The following FKBP15 variants were observed in gnomAD, a reference collection of about 807,000 sequenced individuals.
FKBP15 encodes the protein FKBP prolyl isomerase family member 15.
A neutral mutation model predicts 158.1 loss-of-function variants in FKBP15; 106 were observed. The observed-to-expected ratio is 0.67, with a 90% CI of 0.57 to 0.79. The LOEUF (loss-of-function observed/expected upper bound fraction) is 0.79, where lower values mean the gene tolerates loss of function less well. Ranked by LOEUF, FKBP15 falls within the 30% of genes least tolerant of loss-of-function variation. The pLI is 0.00. For synonymous variants in FKBP15, 547 were observed against 548.6 expected, an observed-to-expected ratio of 1.00 and a Z score of 0.04; for missense variants, 1,287 against 1,479.1, an observed-to-expected ratio of 0.87 and a Z score of 2.13.
intron 9 of FKBP15, 95 bp from the exon 10 acceptor site, chr9:113,194,264 T>C: frequency 9.9e-7 from 1 of 1,014,994 alleles, no homozygotes; most frequent in Non-Finnish European, 1.4e-6. Flanking sequence ...TGGGGACTGT[T>C]GTCGGGTGGG....
Position 113,205,093 on chromosome 9 carries a change from G to A in FKBP15, c.324+1416C>T, listed in dbSNP as rs147513798. ...AATCATAAAACTCTTAGAAGAAAAC[G>A]TAGAGGTGAATCGTCATGACCTTGG... On this transcript the variant is annotated intron_variant, in intron 4 of 27. Transcript: ENST00000238256. Among the ~76,000 whole-genome samples, 28 of 152,276 alleles carry A rather than the reference G, an allele frequency of 1.8e-4. No individual in the cohort carries two copies. The East Asian group carries it at 4.0e-3, about 22-fold the overall frequency.
chr9:113,200,219 A>G (rs899852424), intron 6 of FKBP15, among the ~76,000 whole-genome samples: 1 of 152,234 alleles, frequency 6.6e-6, no homozygotes, highest in Non-Finnish European at 1.5e-5. Flanking sequence ...AATAATCTCT[A>G]TGTACCCAAG....
At position 113,162,153 on chromosome 9, in the gene FKBP15, T is replaced by TA; in HGVS notation, c.*3924_*3925insT. ...TCAGGCAACCATTTAGGGTCCCTGT[T>TA]CTGCCCTCTGTCCAGCCCCAGCCTC... On this transcript the variant is annotated 3_prime_UTR_variant, in exon 28 of 28. Transcript: ENST00000238256. The TA allele has an allele frequency of 3.1e-6, 1 of 326,822 alleles. No individual in the cohort carries two copies. Among genetic ancestry groups the TA allele is most frequent in the Non-Finnish European group, 5.8e-6 (1 of 171,742 alleles). 20.2% of individuals were successfully genotyped at this position (326,822 alleles called of 1,614,324 possible).
chr9:113,198,474 C>T lies in FKBP15; in HGVS notation c.717+381G>A, dbSNP rs1189916051. Among the ~76,000 whole-genome samples the T allele has an allele frequency of 1.3e-5, 2 of 152,200 alleles. No individual in the cohort carries two copies. The highest frequency in any genetic ancestry group is 2.9e-5 in the Non-Finnish European group (2 of 68,034). Reference sequence around the variant, plus strand: ...TAACCTGATTAGAAATTCCACAGGCCGGACATGGTGGTTCATGCCTGTAAT... The same window carrying T: ...TAACCTGATTAGAAATTCCACAGGCTGGACATGGTGGTTCATGCCTGTAAT... On this transcript the variant is annotated intron_variant, in intron 8 of 27. Transcript: ENST00000238256. The surrounding 1 kb of genome is among the most constrained non-coding windows in gnomAD (Gnocchi z 5.2).
At chr9:113,203,071 G>C (rs758569826) in intron 4 of FKBP15, 36 bp from the exon 5 acceptor site, 1 of 1,259,050 alleles carries the variant, frequency 7.9e-7, no homozygotes. Flanking sequence ...AAAAAAAAAA[G>C]AGAGACAGCA....
chr9:113,206,996 G>A, intron 3 of FKBP15: 1 of 512,628 alleles, frequency 2.0e-6, no homozygotes, highest in South Asian at 2.7e-5. Flanking sequence ...CAGCTGTTGA[G>A]GGTACAAGCA....
chr9:113,202,667 GTAT>G, intron 5 of FKBP15, 38 bp from the exon 6 acceptor site: 3 of 1,471,288 alleles, frequency 2.0e-6, no homozygotes, highest in Non-Finnish European at 2.8e-6. Flanking sequence ...TCCACAAGCA[GTAT>G]TATACCAGAT....
At chr9:113,176,717 G>A in intron 20 of FKBP15, 44 bp from the exon 21 acceptor site, 1 of 1,593,674 alleles carries the variant, frequency 6.3e-7, no homozygotes, top group Non-Finnish European at 8.6e-7. Context: ...AACCAAAGCT[G>A]TAATGGGCTA....
In FKBP15 at chr9:113,162,932, G is replaced by A. The variant is rs754942353; in HGVS notation, c.*3146C>T. 6.9e-6 allele frequency: 11 copies of A among 1,587,626 alleles called. No homozygotes were observed. Among genetic ancestry groups the A allele is most frequent in the East Asian group, 2.3e-5 (1 of 43,162 alleles). On this transcript the variant is annotated 3_prime_UTR_variant, in exon 28 of 28. Coordinates refer to ENST00000238256, the MANE Select transcript of FKBP15 (RefSeq NM_015258.2). ...GCACAGCTTAGCTGGTGAGGAACGT[G>A]CAGGCACTGAGGCTGGAGGGACATG...
At chr9:113,202,660 A>C (rs1207951517) in intron 5 of FKBP15, 31 bp from the exon 6 acceptor site, 2 of 1,510,946 alleles carry the variant, frequency 1.3e-6, no homozygotes, top group South Asian at 2.4e-5. Context: ...AAATTCATCC[A>C]CAAGCAGTAT....
chr9:113,166,541 A>G (rs1760077373), intron 27 of FKBP15, among the ~76,000 whole-genome samples: 1 of 152,260 alleles, frequency 6.6e-6, no homozygotes, highest in South Asian at 2.1e-4. Flanking sequence ...TGAGAGAGCG[A>G]GAGGAAGTGG....
At chr9:113,187,577 T>C (rs910690543) in intron 14 of FKBP15, 1 of 554,368 alleles carries the variant, frequency 1.8e-6, no homozygotes, top group African/African-American at 1.9e-5. Context: ...TACTAGGGGC[T>C]CTACTTGTTC....
At chr9:113,213,551 G>T (rs1318865046) in intron 1 of FKBP15, among the ~76,000 whole-genome samples, 4 of 150,028 alleles carry the variant, frequency 2.7e-5, no homozygotes, top group Non-Finnish European at 5.9e-5. Flanking sequence ...TACAGCCTAG[G>T]TGACAGAGCA....
intron 21 of FKBP15, 129 bp from the exon 22 acceptor site, chr9:113,174,712 T>C (rs1830272534): frequency 1.0e-6 from 1 of 974,724 alleles, no homozygotes. Flanking sequence ...TTTAGTTGAA[T>C]TTTCCCCTAA....
At chr9:113,203,677 G>A (rs920697200) in intron 4 of FKBP15, among the ~76,000 whole-genome samples, 1 of 151,854 alleles carries the variant, frequency 6.6e-6, no homozygotes, top group Non-Finnish European at 1.5e-5. Flanking sequence ...ACAGGTGCAC[G>A]CCACCACACC....
At chr9:113,208,107 G>T (rs1032601509) in intron 2 of FKBP15, among the ~76,000 whole-genome samples, 2 of 152,110 alleles carry the variant, frequency 1.3e-5, no homozygotes, top group Non-Finnish European at 2.9e-5. Flanking sequence ...ACTTTGGCAG[G>T]CCGAGGCAGG....
rs569030843 is a variant in FKBP15 at position 113,174,399 on chromosome 9, A to G, written c.2379+29T>C. 5 of 1,608,764 alleles carry G rather than the reference A, an allele frequency of 3.1e-6. No individual in the cohort carries two copies. In the African/African-American group the frequency reaches 6.7e-5, roughly 22 times the overall value. On this transcript the variant is annotated intron_variant, in intron 22 of 27. Coordinates refer to ENST00000238256, the MANE Select transcript of FKBP15 (RefSeq NM_015258.2). The stretch of plus-strand genomic sequence containing the variant: ...TCTGAGTCCTTCACACCTTCCCTCT[A>G]TTTTCAAAGTGCTTCAGTTTCCCAT...
Position 113,165,154 on chromosome 9 carries a change from G to A in FKBP15, c.*924C>T, listed in dbSNP as rs1021902800. The A allele has an allele frequency of 5.3e-5, 8 of 152,118 alleles. No individual in the cohort carries two copies. The highest frequency in any genetic ancestry group is 1.9e-4 in the African/African-American group (8 of 41,402). The allele number at this position is 152,118 out of a possible 1,614,324, so 9.4% of individuals were successfully genotyped here. A position where few individuals can be genotyped will look rare whatever the true frequency, so the allele number is the denominator to read the frequency against. ...CTCTGCATAAGTCCTGGTCCCATGAGTTCTAAGGGAATGGAAGCTGCTCTC... is the reference window on the plus strand; with the variant it reads ...CTCTGCATAAGTCCTGGTCCCATGAATTCTAAGGGAATGGAAGCTGCTCTC... On this transcript the variant is annotated 3_prime_UTR_variant, in exon 28 of 28. Transcript: ENST00000238256.
chr9:113,175,443 G>A lies in FKBP15; in HGVS notation c.2224-860C>T, dbSNP rs1830284684. ...AGACCAAGATTTACCCTCTTAAAAG[G>A]CACTGGGCCAAAACAGCTTTACCTA... On this transcript the variant is annotated intron_variant, in intron 21 of 27. Transcript: ENST00000238256. 2.0e-5 allele frequency among the ~76,000 whole-genome samples: 3 copies of A among 152,224 alleles called. No homozygotes were observed. The East Asian group carries it at 5.8e-4, about 29-fold the overall frequency.
Sources: gnomAD v4.1 joint callset for allele counts (sites outside exome capture counted in the v4.1 genomes callset) on GRCh38, gnomAD v4.1.1 for gene constraint, Gnocchi (gnomAD v3.1) non-coding constraint, MANE v1.5 for transcripts, NCBI Gene and HGNC (gene_info 2026-07-23, HGNC 2026-07-21) for gene names.